The following CCDC85A variants were observed in gnomAD, a reference collection of about 807,000 sequenced individuals.
CCDC85A encodes the protein coiled-coil domain containing 85A, also known as coiled-coil domain-containing protein 85A.
A neutral mutation model predicts 50.2 loss-of-function variants in CCDC85A; 38 were observed. That is an observed-to-expected ratio of 0.76 (90% CI 0.58 to 0.99). The LOEUF (loss-of-function observed/expected upper bound fraction) is 0.99, where lower values mean the gene tolerates loss of function less well. Ranked by LOEUF, CCDC85A falls within the 50% of genes least tolerant of loss-of-function variation. The probability of loss-of-function intolerance (pLI) is 0.00; values close to 1 mark genes in which losing one functional copy is unlikely to be tolerated. For synonymous variants in CCDC85A, 366 were observed against 301.4 expected, an observed-to-expected ratio of 1.21 and a Z score of -2.22; for missense variants, 820 against 742.0, an observed-to-expected ratio of 1.11 and a Z score of -1.22.
rs1167161843 is a variant in CCDC85A at position 56,363,535 on chromosome 2, CTT to C, written c.1318-8808_1318-8807del. Among the ~76,000 whole-genome samples, 4 of 152,194 alleles carry C rather than the reference CTT, an allele frequency of 2.6e-5. No homozygotes were observed. In the East Asian group the frequency reaches 5.8e-4, roughly 22 times the overall value. The stretch of plus-strand genomic sequence containing the variant: ...TTCTTGCTTCTCTATTGACCTCTCT[CTT>C]GTCTTGACTTTCCCATTTTGCATGG... On this transcript the variant is annotated intron_variant, in intron 3 of 5. Transcript: ENST00000407595.
At chr2:56,303,631 A>T (rs1319307428) in intron 2 of CCDC85A, among the ~76,000 whole-genome samples, 1 of 152,182 alleles carries the variant, frequency 6.6e-6, no homozygotes, top group Non-Finnish European at 1.5e-5. Context: ...GGTCCTTATG[A>T]GAACTAAATA....
intron 2 of CCDC85A, among the ~76,000 whole-genome samples, chr2:56,326,744 T>G (rs1285049116): frequency 6.6e-6 from 1 of 152,178 alleles, no homozygotes; most frequent in Non-Finnish European, 1.5e-5. Flanking sequence ...ATGTCATTCT[T>G]TCATAACTTT....
At chr2:56,193,551 T>C (rs1211592458) in intron 2 of CCDC85A, 111 bp downstream of exon 2, 11 of 1,268,404 alleles carry the variant, frequency 8.7e-6, no homozygotes, top group Non-Finnish European at 1.1e-5. Context: ...AGCTAGGGAG[T>C]GGGTTTGGGG....
chr2:56,271,477 A>G (rs1670694092), intron 2 of CCDC85A, among the ~76,000 whole-genome samples: 1 of 152,120 alleles, frequency 6.6e-6, no homozygotes, highest in Non-Finnish European at 1.5e-5. Context: ...GTGTTATGCA[A>G]GCTGCTTGCT....
intron 5 of CCDC85A, among the ~76,000 whole-genome samples, chr2:56,382,851 T>G (rs1676655176): frequency 6.6e-6 from 1 of 152,014 alleles, no homozygotes; most frequent in East Asian, 1.9e-4. Flanking sequence ...GTCTACCCTC[T>G]GCTTCTAAAC....
chr2:56,206,685 A>C (rs72801175), intron 2 of CCDC85A, among the ~76,000 whole-genome samples: 4 of 152,044 alleles, frequency 2.6e-5, no homozygotes, highest in Non-Finnish European at 5.9e-5. Context: ...TCATCTCCCA[A>C]CACTGCTGCA....
At chr2:56,279,954 C>T (rs1029442862) in intron 2 of CCDC85A, among the ~76,000 whole-genome samples, 1 of 152,188 alleles carries the variant, frequency 6.6e-6, no homozygotes, top group African/African-American at 2.4e-5. Context: ...GCTGTTAATA[C>T]AGGTTATTTC....
At chr2:56,239,002 G>C (rs1448649311) in intron 2 of CCDC85A, among the ~76,000 whole-genome samples, 1 of 152,054 alleles carries the variant, frequency 6.6e-6, no homozygotes, top group Non-Finnish European at 1.5e-5. Flanking sequence ...AGAATATAAA[G>C]GATTGTTATA....
At chr2:56,330,057 A>C (rs527688583) in intron 2 of CCDC85A, among the ~76,000 whole-genome samples, 82 of 148,648 alleles carry the variant, frequency 5.5e-4, no homozygotes, top group African/African-American at 2.0e-3. Flanking sequence ...CATTAAAGAA[A>C]GTTGTTACAT....
At position 56,192,927 on chromosome 2, in the gene CCDC85A, G is replaced by C. The variant is rs752191140; in HGVS notation, c.727G>C (p.Glu243Gln). The C allele has an allele frequency of 6.2e-7, 1 of 1,613,096 alleles. No individual in the cohort carries two copies. Among genetic ancestry groups the C allele is most frequent in the Non-Finnish European group, 8.5e-7 (1 of 1,179,648 alleles). ...GGAGCACCTGCAGAAGCCCCGGAGC[G>C]AGGGCAGCCCGGAGCACTCCAAGCA... is the stretch of plus-strand genomic sequence containing the variant. ...SPEHLQKPRS[E>Q]GSPEHSKHRS... Residue 243 changes from glutamate (E) to glutamine (Q), a missense_variant, in exon 2 of 6, where the codon GAG becomes CAG. Coordinates refer to ENST00000407595, the MANE Select transcript of CCDC85A (RefSeq NM_001080433.2). The surrounding 1 kb of genome is among the most constrained non-coding windows in gnomAD (Gnocchi z 4.7).
chr2:56,237,151 A>C (rs962268153), intron 2 of CCDC85A, among the ~76,000 whole-genome samples: 35 of 152,198 alleles, frequency 2.3e-4, no homozygotes, highest in Non-Finnish European at 2.9e-5. Context: ...GGCTTCACCA[A>C]GACGGCTAAC....
chr2:56,183,855 AC>A, upstream of CCDC85A: 6 of 984,908 alleles, frequency 6.1e-6, no homozygotes, highest in Non-Finnish European at 7.2e-6. Flanking sequence ...CCCGGGCAGG[AC>A]AGCCGGGAGC....
intron 3 of CCDC85A, among the ~76,000 whole-genome samples, chr2:56,359,815 G>C (rs1215236201): frequency 6.6e-6 from 1 of 152,136 alleles, no homozygotes; most frequent in Non-Finnish European, 1.5e-5. Context: ...TCATATATGT[G>C]GGTTTTAGTC....
At chr2:56,211,612 C>A (rs1464948094) in intron 2 of CCDC85A, among the ~76,000 whole-genome samples, 1 of 151,774 alleles carries the variant, frequency 6.6e-6, no homozygotes, top group East Asian at 1.9e-4. Context: ...TCCTTTTTAC[C>A]AAACTCTGTT....
intron 2 of CCDC85A, among the ~76,000 whole-genome samples, chr2:56,269,644 A>C (rs1670612140): frequency 6.6e-6 from 1 of 152,160 alleles, no homozygotes; most frequent in Admixed American, 6.5e-5. Context: ...TCAGGCTCAC[A>C]TTCAGTTGTC....
At chr2:56,280,387 A>T (rs960705433) in intron 2 of CCDC85A, among the ~76,000 whole-genome samples, 1 of 152,194 alleles carries the variant, frequency 6.6e-6, no homozygotes, top group Non-Finnish European at 1.5e-5. Flanking sequence ...AAAATGCATC[A>T]TAGCTTTAGG....
chr2:56,338,367 G>A lies in CCDC85A; in HGVS notation c.1241-4512G>A, dbSNP rs145044655. ...ATCATGTTCCCTGAGTGTACCGGGA[G>A]ATCACCTTATATTATAGTTGACACC... is the stretch of plus-strand genomic sequence containing the variant. On this transcript the variant is annotated intron_variant, in intron 2 of 5. Transcript: ENST00000407595. Among the ~76,000 whole-genome samples the A allele has an allele frequency of 3.8e-3, 571 of 152,252 alleles. 3 individuals are homozygous for A. The highest frequency in any genetic ancestry group is 0.013 in the African/African-American group (543 of 41,544).
intron 2 of CCDC85A, among the ~76,000 whole-genome samples, chr2:56,337,995 G>A (rs1277166961): frequency 6.6e-6 from 1 of 152,076 alleles, no homozygotes; most frequent in Non-Finnish European, 1.5e-5. Context: ...ATGTTGGCCA[G>A]GATGATCTCG....
chr2:56,263,910 G>A (rs1442558741), intron 2 of CCDC85A, among the ~76,000 whole-genome samples: 1 of 152,300 alleles, frequency 6.6e-6, no homozygotes, highest in East Asian at 1.9e-4. Flanking sequence ...GGTCAGGGGT[G>A]TCCAGTCTTT....
Sources: allele counts gnomAD v4.1 joint callset (sites outside exome capture counted in the v4.1 genomes callset), GRCh38; gene constraint gnomAD v4.1.1; non-coding constraint Gnocchi (gnomAD v3.1); transcripts MANE v1.5; gene names NCBI Gene and HGNC (gene_info 2026-07-23, HGNC 2026-07-21).